Variants in PRICKLE2 observed in about 807,000 individuals in gnomAD.
PRICKLE2 encodes the protein prickle planar cell polarity protein 2.
A neutral mutation model predicts 81.4 loss-of-function variants in PRICKLE2; 21 were observed. The ratio of observed to expected loss-of-function variants is 0.26; its 90% CI spans 0.18 to 0.37. The LOEUF is 0.37. PRICKLE2 is among the 10% of genes least tolerant of loss of function. PRICKLE2 has a pLI of 1.00. For missense variants in PRICKLE2, 940 were observed against 1,109.0 expected (o/e 0.85, Z 2.16); for synonymous variants, 456 against 421.5 (o/e 1.08, Z -1.00).
At chr3:64,253,235 T>C (rs1236826487) in intron 2 of PRICKLE2, among the ~76,000 whole-genome samples, 1 of 152,218 alleles carries the variant, frequency 6.6e-6, no homozygotes, top group Non-Finnish European at 1.5e-5. Flanking sequence ...GATACCATAG[T>C]TAATCTATTT....
intron 2 of PRICKLE2, among the ~76,000 whole-genome samples, chr3:64,246,432 T>C (rs1295120773): frequency 6.6e-6 from 1 of 152,184 alleles, no homozygotes; most frequent in Non-Finnish European, 1.5e-5. Flanking sequence ...CCCACAACCC[T>C]ACCTTCCAAC....
upstream of PRICKLE2, among the ~76,000 whole-genome samples, chr3:64,227,952 C>A (rs1381680615): frequency 1.3e-5 from 2 of 152,120 alleles, no homozygotes; most frequent in Non-Finnish European, 2.9e-5. Flanking sequence ...AAAGTTCTAT[C>A]TAATGTGGGT....
At chr3:64,196,775 T>C (rs145878444) in intron 2 of PRICKLE2, among the ~76,000 whole-genome samples, 4 of 152,220 alleles carry the variant, frequency 2.6e-5, no homozygotes, top group Admixed American at 2.6e-4. Flanking sequence ...CACAAAAGAA[T>C]AAAAAGGACT....
intron 2 of PRICKLE2, among the ~76,000 whole-genome samples, chr3:64,267,086 T>C (rs1000140372): frequency 6.6e-6 from 1 of 152,174 alleles, no homozygotes; most frequent in African/African-American, 2.4e-5. Context: ...TTCCTGATTA[T>C]TTTGGTTTTA....
At chr3:64,197,044 G>C (rs1424584869) in intron 2 of PRICKLE2, among the ~76,000 whole-genome samples, 1 of 152,170 alleles carries the variant, frequency 6.6e-6, no homozygotes, top group Non-Finnish European at 1.5e-5. Context: ...TTCAAAATTA[G>C]AAGAAAATGA....
intron 7 of PRICKLE2, among the ~76,000 whole-genome samples, chr3:64,114,298 GA>G (rs1370161446): frequency 1.3e-5 from 2 of 151,992 alleles, no homozygotes; most frequent in East Asian, 3.9e-4. Flanking sequence ...CTGAAAATAC[GA>G]AAAGCCAGAG....
intron 7 of PRICKLE2, among the ~76,000 whole-genome samples, chr3:64,141,356 T>C (rs1324404631): frequency 1.3e-5 from 2 of 152,244 alleles, no homozygotes; most frequent in African/African-American, 4.8e-5. Context: ...AAAATGGGAA[T>C]AACAACCATG....
At chr3:64,218,165 C>T (rs1474331849) in intron 1 of PRICKLE2, among the ~76,000 whole-genome samples, 1 of 152,182 alleles carries the variant, frequency 6.6e-6, no homozygotes, top group African/African-American at 2.4e-5. Context: ...CCCCAGAATA[C>T]TCCTTTCATG....
chr3:64,133,123 T>A (rs968783531), intron 7 of PRICKLE2, among the ~76,000 whole-genome samples: 4 of 152,080 alleles, frequency 2.6e-5, no homozygotes, highest in African/African-American at 9.7e-5. Context: ...AGGTGTGTCA[T>A]CCAGATTCCC....
At chr3:64,130,344 G>A (rs1172930394) in intron 7 of PRICKLE2, among the ~76,000 whole-genome samples, 1 of 152,144 alleles carries the variant, frequency 6.6e-6, no homozygotes, top group African/African-American at 2.4e-5. Context: ...TATAGGTGGG[G>A]AAATTCAGGT....
At chr3:64,234,912 C>T (rs571852630) in intron 2 of PRICKLE2, among the ~76,000 whole-genome samples, 1 of 152,276 alleles carries the variant, frequency 6.6e-6, no homozygotes, top group Admixed American at 6.5e-5. Flanking sequence ...TAGACTAATA[C>T]TTTTCATAAG....
At chr3:64,170,916 AC>A (rs1159900698) in intron 2 of PRICKLE2, among the ~76,000 whole-genome samples, 4 of 151,622 alleles carry the variant, frequency 2.6e-5, no homozygotes, top group Non-Finnish European at 4.4e-5. Flanking sequence ...AAAACTCAAA[AC>A]CCCCAAAACA....
chr3:64,163,922 T>C (rs2077777487), intron 2 of PRICKLE2: 1 of 86,248 alleles, frequency 1.2e-5, no homozygotes, highest in South Asian at 5.0e-4. Flanking sequence ...TGTTATTATA[T>C]AGGAGAGGCA....
chr3:64,157,089 C>T (rs1001287644), intron 5 of PRICKLE2, 73 bp downstream of exon 5: 2 of 1,414,198 alleles, frequency 1.4e-6, no homozygotes, highest in African/African-American at 1.4e-5. Context: ...TGCAGAAAGC[C>T]AGAAGACCAT....
chr3:64,133,256 C>T (rs1185724725), intron 7 of PRICKLE2, among the ~76,000 whole-genome samples: 1 of 152,102 alleles, frequency 6.6e-6, no homozygotes, highest in Non-Finnish European at 1.5e-5. Flanking sequence ...TGACAGAGGA[C>T]CTGGACATGT....
At chr3:64,145,097 ATTT>A (rs56414517) in intron 7 of PRICKLE2, among the ~76,000 whole-genome samples, 17 of 140,044 alleles carry the variant, frequency 1.2e-4, no homozygotes, top group Admixed American at 3.6e-4. Context: ...ATAATATTAA[ATTT>A]TTTTTTTTTT....
chr3:64,229,012 T>G (rs2107158755), upstream of PRICKLE2, among the ~76,000 whole-genome samples: 1 of 152,274 alleles, frequency 6.6e-6, no homozygotes, highest in Non-Finnish European at 1.5e-5. Context: ...GGGGAAGGCC[T>G]TACTAAGCAT....
chr3:64,229,847 A>C (rs963011785), upstream of PRICKLE2, among the ~76,000 whole-genome samples: 1 of 152,214 alleles, frequency 6.6e-6, no homozygotes, highest in East Asian at 1.9e-4. Context: ...GAAGCTGACA[A>C]AGAACTGTCA....
chr3:64,238,549 G>A (rs1358552634), intron 2 of PRICKLE2, among the ~76,000 whole-genome samples: 1 of 151,942 alleles, frequency 6.6e-6, no homozygotes, highest in Non-Finnish European at 1.5e-5. Context: ...GTAGAATTAG[G>A]GCTAACATGT....
Sources: allele counts gnomAD v4.1 joint callset (sites outside exome capture counted in the v4.1 genomes callset), GRCh38; gene constraint gnomAD v4.1.1; transcripts MANE v1.5; gene names NCBI Gene and HGNC (gene_info 2026-07-23, HGNC 2026-07-21).